Variants in RASGEF1C observed in about 807,000 individuals in gnomAD.
The protein encoded by RASGEF1C is RasGEF domain family member 1C, also known as ras-GEF domain-containing family member 1C.
In RASGEF1C, 27 loss-of-function variants were observed where a neutral mutation model predicts 58.1. That is an observed-to-expected ratio of 0.46 (90% confidence interval 0.34 to 0.64). The LOEUF is 0.64. RASGEF1C is among the 30% of genes least tolerant of loss of function. RASGEF1C has a pLI of 0.01. For missense variants in RASGEF1C, 502 were observed against 605.1 expected (o/e 0.83, Z 1.79); for synonymous variants, 243 against 246.3 (o/e 0.99, Z 0.13).
chr5:180,101,898 C>T (rs1394898190), intron 13 of RASGEF1C, among the ~76,000 whole-genome samples, 173 bp downstream of exon 13: 1 of 152,164 alleles, frequency 6.6e-6, no homozygotes, highest in East Asian at 1.9e-4. Flanking sequence ...GTGGCTTGAT[C>T]CCCACTGTGG....
At position 180,198,945 on chromosome 5, in the gene RASGEF1C, C is replaced by T. The variant is rs1458139577; in HGVS notation, c.-7+10083G>A. Among the ~76,000 whole-genome samples, 2 of 151,994 alleles carry T rather than the reference C, an allele frequency of 1.3e-5. No homozygotes were observed. Among genetic ancestry groups the T allele is most frequent in the Non-Finnish European group, 2.9e-5 (2 of 67,964 alleles). On this transcript the variant is annotated intron_variant, in intron 1 of 13. Transcript: ENST00000361132. The surrounding 1 kb of genome is among the most constrained non-coding windows in gnomAD (Gnocchi z 4.5). ...GGAGGAGTGAGGAAGTAGGAGAAAG[C>T]CCCCAGGAAGGACTCCCAGAGGGTA...
In RASGEF1C at chr5:180,143,350, A is replaced by G. The variant is rs747026704; in HGVS notation, c.-6-5292T>C. Among the ~76,000 whole-genome samples the G allele has an allele frequency of 6.6e-6, 1 of 152,200 alleles. No homozygotes were observed. Among genetic ancestry groups the G allele is most frequent in the Non-Finnish European group, 1.5e-5 (1 of 68,030 alleles). On this transcript the variant is annotated intron_variant, in intron 1 of 13. Coordinates refer to ENST00000361132, the MANE Select transcript of RASGEF1C (RefSeq NM_175062.4). The surrounding 1 kb of genome is among the most constrained non-coding windows in gnomAD (Gnocchi z 4.3). ...CCAACCCCTCTATGGGAGACGGGAAATGTGTGCAGGGACAGGGGCACCATG... is the reference window on the plus strand; with the variant it reads ...CCAACCCCTCTATGGGAGACGGGAAGTGTGTGCAGGGACAGGGGCACCATG...
At chr5:180,182,141 C>G (rs185524886) in intron 1 of RASGEF1C, among the ~76,000 whole-genome samples, 16 of 131,914 alleles carry the variant, frequency 1.2e-4, no homozygotes, top group Non-Finnish European at 2.0e-4. Context: ...GGAGGTGGAG[C>G]TTGCAGTGAG....
At chr5:180,121,609 G>A (rs13159421) in intron 6 of RASGEF1C, among the ~76,000 whole-genome samples, 36,985 of 150,596 alleles carry the variant, frequency 0.25, 5,619 homozygotes, top group East Asian at 0.47. Context: ...CACTGCGCCC[G>A]GCTAAAAATA....
chr5:180,122,299 T>C (rs2113258268), intron 6 of RASGEF1C, among the ~76,000 whole-genome samples: 1 of 152,268 alleles, frequency 6.6e-6, no homozygotes, highest in African/African-American at 2.4e-5. Flanking sequence ...ATCATAACCA[T>C]ATATATTCCC....
intron 1 of RASGEF1C, among the ~76,000 whole-genome samples, chr5:180,163,231 C>CTT (rs1220517606): frequency 0.027 from 517 of 19,442 alleles, 36 homozygotes; most frequent in African/African-American, 0.065. Flanking sequence ...CACCCCCTCA[C>CTT]TTTTTTTTTT....
intron 10 of RASGEF1C, chr5:180,115,429 G>A (rs1766050348): frequency 8.9e-6 from 3 of 337,602 alleles, no homozygotes; most frequent in East Asian, 7.7e-5. Context: ...CACGGACCCC[G>A]CCTGTGAAGG....
Position 180,111,367 on chromosome 5 carries a change from C to T in RASGEF1C, c.1303+90G>A, listed in dbSNP as rs569370816. 6 of 1,568,106 alleles carry T rather than the reference C, an allele frequency of 3.8e-6. No homozygotes were observed. The South Asian group carries it at 5.7e-5, about 15-fold the overall frequency. On this transcript the variant is annotated intron_variant, in intron 12 of 13. Coordinates refer to ENST00000361132, the MANE Select transcript of RASGEF1C (RefSeq NM_175062.4). Reference sequence around the variant, plus strand: ...CAGGTGGGCAGGGTGCATCCCTAACCTACTCAGAGCAGGGGTCCTGAATGG... The same window carrying T: ...CAGGTGGGCAGGGTGCATCCCTAACTTACTCAGAGCAGGGGTCCTGAATGG...
rs1255924852 is a variant in RASGEF1C, at chr5:180,177,432, G to A, written c.-7+31596C>T. ...GGTGAGTGCCTGCGCAATCTGCCCG[G>A]CTGGGCCGCAGCAGTCCACGGGCAG... On this transcript the variant is annotated intron_variant, in intron 1 of 13. Transcript: ENST00000361132. The surrounding 1 kb of genome is among the most constrained non-coding windows in gnomAD (Gnocchi z 5.0). 6.6e-6 allele frequency among the ~76,000 whole-genome samples: 1 copy of A among 152,214 alleles called. No individual in the cohort carries two copies. The highest frequency in any genetic ancestry group is 1.5e-5 in the Non-Finnish European group (1 of 68,046).
At chr5:180,145,451 T>C (rs969830658) in intron 1 of RASGEF1C, among the ~76,000 whole-genome samples, 2 of 152,208 alleles carry the variant, frequency 1.3e-5, no homozygotes, top group Non-Finnish European at 2.9e-5. Flanking sequence ...CCAACAGCAA[T>C]GTAAAGGGTT....
intron 1 of RASGEF1C, among the ~76,000 whole-genome samples, chr5:180,139,051 A>C (rs990425414): frequency 1.3e-5 from 2 of 152,130 alleles, no homozygotes; most frequent in African/African-American, 4.8e-5. Context: ...CAGCCGTTAC[A>C]GTGTCTTCTC....
intron 6 of RASGEF1C, among the ~76,000 whole-genome samples, chr5:180,126,705 C>T (rs1766268953): frequency 6.6e-6 from 1 of 152,198 alleles, no homozygotes; most frequent in Non-Finnish European, 1.5e-5. Flanking sequence ...AATCCAGTCC[C>T]CATGGGTGAC....
At chr5:180,202,727 C>T (rs1199932852) in intron 1 of RASGEF1C, among the ~76,000 whole-genome samples, 3 of 141,642 alleles carry the variant, frequency 2.1e-5, no homozygotes, top group East Asian at 2.1e-4. Flanking sequence ...TTTTTTGAGA[C>T]GGAGTCTCGC....
At position 180,137,839 on chromosome 5, in the gene RASGEF1C, A is replaced by G; in HGVS notation, c.177+37T>C. 1 of 1,605,928 alleles carries G rather than the reference A, an allele frequency of 6.2e-7. No individual in the cohort carries two copies. Among genetic ancestry groups the G allele is most frequent in the Non-Finnish European group, 8.5e-7 (1 of 1,176,752 alleles). ...TGATGCCCCCCGTGCGTGGTGGAGG[A>G]GAGCCCACTCTCCTGCCCGCTGGGT... is the stretch of plus-strand genomic sequence containing the variant. On this transcript the variant is annotated intron_variant, in intron 2 of 13. Transcript: ENST00000361132. The surrounding 1 kb of genome is among the most constrained non-coding windows in gnomAD (Gnocchi z 4.1).
intron 11 of RASGEF1C, among the ~76,000 whole-genome samples, chr5:180,114,166 T>C (rs907567517): frequency 6.6e-6 from 1 of 152,184 alleles, no homozygotes; most frequent in Admixed American, 6.5e-5. Context: ...GGAGCTGCCT[T>C]TCTCGCCAGC....
intron 1 of RASGEF1C, among the ~76,000 whole-genome samples, chr5:180,196,945 G>T (rs950943446): frequency 1.3e-5 from 2 of 152,192 alleles, no homozygotes; most frequent in African/African-American, 4.8e-5. Flanking sequence ...TAACACCAGG[G>T]TAACAATATC....
At chr5:180,140,608 C>T (rs1422147466) in intron 1 of RASGEF1C, among the ~76,000 whole-genome samples, 1 of 152,222 alleles carries the variant, frequency 6.6e-6, no homozygotes, top group African/African-American at 2.4e-5. Context: ...CCCACCCCTC[C>T]CTGCAGGCGT....
At chr5:180,169,736 C>T (rs1416981490) in intron 1 of RASGEF1C, among the ~76,000 whole-genome samples, 4 of 152,090 alleles carry the variant, frequency 2.6e-5, no homozygotes, top group African/African-American at 9.7e-5. Flanking sequence ...CTACGTCACA[C>T]AACCTGCCCT....
chr5:180,145,278 C>T (rs1766646090), intron 1 of RASGEF1C, among the ~76,000 whole-genome samples: 1 of 152,134 alleles, frequency 6.6e-6, no homozygotes, highest in African/African-American at 2.4e-5. Flanking sequence ...GTGCCACCAC[C>T]GTGTCCGGCT....
Sources: allele counts gnomAD v4.1 joint callset (sites outside exome capture counted in the v4.1 genomes callset), GRCh38; gene constraint gnomAD v4.1.1; non-coding constraint Gnocchi (gnomAD v3.1); transcripts MANE v1.5; gene names NCBI Gene and HGNC (gene_info 2026-07-23, HGNC 2026-07-21).